ADGRL3: variants seen among roughly 807,000 people sequenced by gnomAD.
ADGRL3 encodes the protein calcium-independent alpha-latrotoxin receptor 3.
ADGRL3 carries 62 observed loss-of-function variants against 153.5 expected under a neutral mutation model. That is an observed-to-expected ratio of 0.40 (90% CI 0.33 to 0.50). The LOEUF (loss-of-function observed/expected upper bound fraction) is 0.50. Ranked by LOEUF, ADGRL3 falls within the 20% of genes least tolerant of loss-of-function variation. The pLI is 0.47. For missense variants in ADGRL3, 1,641 were observed against 1,859.4 expected, an observed-to-expected ratio of 0.88 and a Z score of 2.16; for synonymous variants, 710 against 672.5, an observed-to-expected ratio of 1.06 and a Z score of -0.86.
chr4:61,582,060 T>C (rs953099201), intron 4 of ADGRL3, among the ~76,000 whole-genome samples: 1 of 152,062 alleles, frequency 6.6e-6, no homozygotes, highest in African/African-American at 2.4e-5. Context: ...AGAAAATAAA[T>C]ATAAATATAA....
chr4:61,227,383 A>AT (rs767359272), intron 1 of ADGRL3, among the ~76,000 whole-genome samples: 134 of 151,994 alleles, frequency 8.8e-4, no homozygotes, highest in Non-Finnish European at 1.6e-3. Flanking sequence ...GTTTTAAATT[A>AT]TTTTTTGTGG....
At chr4:62,000,016 A>G (rs1042842409) in intron 21 of ADGRL3, among the ~76,000 whole-genome samples, 6 of 152,054 alleles carry the variant, frequency 3.9e-5, no homozygotes, top group Non-Finnish European at 8.8e-5. Context: ...ATGAAATTGA[A>G]TTTGCATAAA....
intron 9 of ADGRL3, among the ~76,000 whole-genome samples, chr4:61,870,023 G>GAAGA (rs571495856): frequency 9.8e-5 from 13 of 132,584 alleles, no homozygotes; most frequent in East Asian, 4.6e-4. Flanking sequence ...AGGAAAGAAA[G>GAAGA]AAGAAAGAAA....
At chr4:61,528,746 T>A (rs2098593544) in intron 4 of ADGRL3, among the ~76,000 whole-genome samples, 1 of 152,174 alleles carries the variant, frequency 6.6e-6, no homozygotes, top group Non-Finnish European at 1.5e-5. Context: ...CACACTTCCT[T>A]AATTTTGTTT....
At chr4:61,853,655 T>G (rs2098232932) in intron 9 of ADGRL3, among the ~76,000 whole-genome samples, 1 of 152,226 alleles carries the variant, frequency 6.6e-6, no homozygotes, top group Non-Finnish European at 1.5e-5. Context: ...CCTCAGTCTC[T>G]TACCCAAGCA....
chr4:61,986,025 A>T (rs1232544213), intron 19 of ADGRL3, among the ~76,000 whole-genome samples: 1 of 151,228 alleles, frequency 6.6e-6, no homozygotes, highest in Non-Finnish European at 1.5e-5. Flanking sequence ...TGATATATTC[A>T]TGTAACATAA....
chr4:61,766,232 G>C (rs898472680), intron 8 of ADGRL3, among the ~76,000 whole-genome samples: 23 of 152,106 alleles, frequency 1.5e-4, no homozygotes, highest in Admixed American at 3.3e-4. Context: ...AAAGAGTGGG[G>C]TATAGCTGAA....
intron 5 of ADGRL3, among the ~76,000 whole-genome samples, chr4:61,650,525 T>C (rs2094207947): frequency 6.6e-6 from 1 of 152,146 alleles, no homozygotes; most frequent in Non-Finnish European, 1.5e-5. Context: ...TTTTATTTTT[T>C]AACACTTTTA....
rs538758388 is a variant in ADGRL3, at chr4:61,200,799, C to G, written c.-1206C>G. ...GAAAGAACCGAAGAGACAGCGGCGG[C>G]GGCGCAGAGCCCGGGGCCGCGCGAT... On this transcript the variant is annotated 5_prime_UTR_variant, in exon 1 of 27. Transcript: ENST00000683033. Among the ~76,000 whole-genome samples, 47 of 152,190 alleles carry G rather than the reference C, an allele frequency of 3.1e-4. No homozygotes were observed. Among genetic ancestry groups the G allele is most frequent in the African/African-American group, 1.1e-3 (47 of 41,532 alleles).
intron 2 of ADGRL3, among the ~76,000 whole-genome samples, chr4:61,460,484 A>G (rs547965808): frequency 6.6e-6 from 1 of 152,222 alleles, no homozygotes; most frequent in South Asian, 2.1e-4. Context: ...GACATGTGGA[A>G]AGGTTGATTT....
intron 9 of ADGRL3, among the ~76,000 whole-genome samples, chr4:61,838,145 C>T (rs954890499): frequency 6.6e-6 from 1 of 152,086 alleles, no homozygotes; most frequent in Non-Finnish European, 1.5e-5. Context: ...TAAATAAATA[C>T]CTCATGGTGC....
intron 4 of ADGRL3, among the ~76,000 whole-genome samples, chr4:61,541,619 G>T (rs1236315066): frequency 6.6e-6 from 1 of 152,082 alleles, no homozygotes; most frequent in Non-Finnish European, 1.5e-5. Context: ...CCAGAAGGTA[G>T]AAATAGGAGC....
At chr4:61,364,012 G>T (rs902280292) in intron 1 of ADGRL3, among the ~76,000 whole-genome samples, 2 of 151,882 alleles carry the variant, frequency 1.3e-5, no homozygotes, top group Non-Finnish European at 2.9e-5. Context: ...AATAATATAT[G>T]CCGTCCTCTG....
intron 9 of ADGRL3, among the ~76,000 whole-genome samples, chr4:61,863,763 A>G (rs1212195702): frequency 2.0e-5 from 3 of 152,228 alleles, no homozygotes; most frequent in Non-Finnish European, 4.4e-5. Context: ...AAAAGGCACA[A>G]AAATCACTGC....
At chr4:61,974,210 C>A (rs2099039981) in intron 17 of ADGRL3, among the ~76,000 whole-genome samples, 1 of 152,140 alleles carries the variant, frequency 6.6e-6, no homozygotes, top group Non-Finnish European at 1.5e-5. Flanking sequence ...TCAAAGCAGT[C>A]CACCTGCCTC....
Position 61,721,361 on chromosome 4 carries a change from G to C in ADGRL3, c.584-9261G>C, listed in dbSNP as rs562824833. Among the ~76,000 whole-genome samples the C allele has an allele frequency of 7.9e-5, 12 of 152,316 alleles. No homozygotes were observed. In the Middle Eastern group the frequency reaches 0.01, roughly 130 times the overall value. The stretch of plus-strand genomic sequence containing the variant: ...CTGAGAGCCCTTGCAAATCACTGAT[G>C]TAAGCCCAAGGGTCCAAAAGCTGAA... On this transcript the variant is annotated intron_variant, in intron 6 of 26. Coordinates refer to ENST00000683033, the MANE Select transcript of ADGRL3 (RefSeq NM_001387552.1).
chr4:61,822,257 T>C (rs17292037), intron 9 of ADGRL3, among the ~76,000 whole-genome samples: 8,171 of 152,274 alleles, frequency 0.054, 372 homozygotes, highest in African/African-American at 0.12. Context: ...GAGTACACTG[T>C]GAACACCTAG....
intron 1 of ADGRL3, among the ~76,000 whole-genome samples, chr4:61,242,801 A>G (rs573780249): frequency 1.4e-3 from 211 of 152,160 alleles, no homozygotes; most frequent in African/African-American, 4.9e-3. Flanking sequence ...GTTTTTACAG[A>G]CTGTCGTTTT....
chr4:61,327,073 A>G (rs1185230722), intron 1 of ADGRL3, among the ~76,000 whole-genome samples: 1 of 151,944 alleles, frequency 6.6e-6, no homozygotes, highest in African/African-American at 2.4e-5. Flanking sequence ...CAACCAAACT[A>G]TATATTTCAC....
Sources: allele counts gnomAD v4.1 joint callset (sites outside exome capture counted in the v4.1 genomes callset), GRCh38; gene constraint gnomAD v4.1.1; transcripts MANE v1.5; gene names NCBI Gene and HGNC (gene_info 2026-07-23, HGNC 2026-07-21).